The following LRRIQ1 variants were observed in gnomAD, a reference collection of about 807,000 sequenced individuals.
LRRIQ1 encodes leucine-rich repeat- and IQ domain-containing protein 1.
In LRRIQ1, 210 loss-of-function variants were observed where a neutral mutation model predicts 211.9. The observed-to-expected ratio is 0.99, with a 90% CI of 0.89 to 1.11. LRRIQ1 has a LOEUF of 1.11. LRRIQ1 is among the 50% of genes most tolerant of loss of function. LRRIQ1 has a pLI of 0.00. For missense variants in LRRIQ1, 2,136 were observed against 1,939.5 expected (o/e 1.10, Z -1.90); for synonymous variants, 699 against 650.1 (o/e 1.08, Z -1.14).
At chr12:85,134,879 C>T (rs1889014284) in intron 18 of LRRIQ1, among the ~76,000 whole-genome samples, 1 of 151,932 alleles carries the variant, frequency 6.6e-6, no homozygotes, top group Non-Finnish European at 1.5e-5. Flanking sequence ...CATCTACCTC[C>T]TCATCACTAG....
At chr12:85,254,414 A>G (rs887228565) in intron 1 of LRRIQ1, among the ~76,000 whole-genome samples, 1 of 152,134 alleles carries the variant, frequency 6.6e-6, no homozygotes, top group Non-Finnish European at 1.5e-5. Flanking sequence ...CTTAGATTTC[A>G]TAACTGAAAT....
chr12:85,041,090 A>T (rs962621207), intron 3 of LRRIQ1, among the ~76,000 whole-genome samples: 1 of 151,736 alleles, frequency 6.6e-6, no homozygotes, highest in African/African-American at 2.4e-5. Context: ...AGCATTCTAA[A>T]TGTTCAACAA....
chr12:85,058,689 C>G (rs560107274), intron 8 of LRRIQ1, among the ~76,000 whole-genome samples: 9 of 151,982 alleles, frequency 5.9e-5, no homozygotes, highest in Non-Finnish European at 1.3e-4. Flanking sequence ...ATAATTAACT[C>G]TTTCTTTTAC....
At chr12:85,242,936 G>A (rs1449886201) in intron 26 of LRRIQ1, among the ~76,000 whole-genome samples, 4 of 151,630 alleles carry the variant, frequency 2.6e-5, no homozygotes. Flanking sequence ...TTTTTGGAAG[G>A]TGTTTATTTA....
At position 85,196,542 on chromosome 12, in the gene LRRIQ1, T is replaced by C. The variant is rs1232785032; in HGVS notation, c.4823-32975T>C. Among the ~76,000 whole-genome samples the C allele has an allele frequency of 1.1e-4, 17 of 152,192 alleles. No individual in the cohort carries two copies. The South Asian group carries it at 3.5e-3, about 32-fold the overall frequency. ...ACACCACATATCTACAACTATCTGATCTTTGACAAACCTGAGAAAAACAAG... is the reference window on the plus strand; with the variant it reads ...ACACCACATATCTACAACTATCTGACCTTTGACAAACCTGAGAAAAACAAG... On this transcript the variant is annotated intron_variant, in intron 24 of 26. Transcript: ENST00000393217.
chr12:85,096,130 C>T (rs974816256), intron 11 of LRRIQ1, among the ~76,000 whole-genome samples: 2 of 151,860 alleles, frequency 1.3e-5, no homozygotes, highest in Non-Finnish European at 2.9e-5. Context: ...TTTGTTTATT[C>T]TTTGTGTGGA....
In LRRIQ1 at chr12:85,066,752, A is replaced by T; in HGVS notation, c.2549A>T (p.Asn850Ile). 1.3e-6 allele frequency: 2 copies of T among 1,581,452 alleles called. No homozygotes were observed. Among genetic ancestry groups the T allele is most frequent in the Non-Finnish European group, 1.7e-6 (2 of 1,167,852 alleles). ...KKLKYIDAQE[N>I]HIEAIECENL... The stretch of plus-strand genomic sequence containing the variant: ...TACATTTGTTCTTTGCTTCAGGAAA[A>T]CCATATTGAGGCTATTGAGTGTGAA... Residue 850 changes from asparagine (N) to isoleucine (I), a missense_variant, in exon 10 of 27, where the codon AAC (asparagine) becomes ATC (isoleucine). By Grantham distance (149) the Asn-to-Ile change is moderately radical. Coordinates refer to ENST00000393217, the MANE Select transcript of LRRIQ1 (RefSeq NM_001079910.2).
At chr12:85,094,868 G>A (rs948759007) in intron 11 of LRRIQ1, among the ~76,000 whole-genome samples, 1 of 151,930 alleles carries the variant, frequency 6.6e-6, no homozygotes, top group South Asian at 2.1e-4. Context: ...GTGTGTTTGT[G>A]TGTGTATGTC....
intron 24 of LRRIQ1, among the ~76,000 whole-genome samples, chr12:85,175,150 G>A (rs1019246900): frequency 6.6e-6 from 1 of 152,076 alleles, no homozygotes; most frequent in Non-Finnish European, 1.5e-5. Context: ...TATTTCCCTT[G>A]CAATCTTGCT....
chr12:85,174,683 C>G (rs1207527323), intron 24 of LRRIQ1, among the ~76,000 whole-genome samples: 1 of 53,360 alleles, frequency 1.9e-5, no homozygotes. Flanking sequence ...GCCTGGGTGA[C>G]AGAGCAAGAG....
chr12:85,062,018 A>G (rs1881867189), intron 8 of LRRIQ1, among the ~76,000 whole-genome samples: 1 of 151,852 alleles, frequency 6.6e-6, no homozygotes, highest in Admixed American at 6.6e-5. Flanking sequence ...ATAAATATGT[A>G]AATTTAAAAC....
intron 11 of LRRIQ1, among the ~76,000 whole-genome samples, chr12:85,084,858 A>G (rs1884650743): frequency 6.6e-6 from 1 of 151,890 alleles, no homozygotes; most frequent in African/African-American, 2.4e-5. Flanking sequence ...CCCAGAAGGC[A>G]GAGGTTGCAG....
At chr12:85,198,136 A>AT (rs1565898931) in intron 24 of LRRIQ1, among the ~76,000 whole-genome samples, 21 of 122,660 alleles carry the variant, frequency 1.7e-4, no homozygotes, top group African/African-American at 5.7e-4. Context: ...TATATTATAT[A>AT]TAATATATTA....
At chr12:85,263,004 G>A (rs2137344042) in exon 2 of LRRIQ1, 2 of 987,812 alleles carry the variant, frequency 2.0e-6, no homozygotes, top group Middle Eastern at 2.8e-4. Context: ...AGACAATCCT[G>A]TACAACTCAG....
chr12:85,058,618 A>G (rs920092945), intron 8 of LRRIQ1, among the ~76,000 whole-genome samples: 1 of 151,892 alleles, frequency 6.6e-6, no homozygotes, highest in African/African-American at 2.4e-5. Context: ...TCTCCTTGGC[A>G]TTTCTTCTCC....
chr12:85,126,863 T>C (rs1888404792), intron 17 of LRRIQ1, among the ~76,000 whole-genome samples: 1 of 152,076 alleles, frequency 6.6e-6, no homozygotes, highest in African/African-American at 2.4e-5. Context: ...TCTAGTAGAG[T>C]TTATCACTTC....
downstream of LRRIQ1, among the ~76,000 whole-genome samples, chr12:85,267,622 G>T (rs1896451348): frequency 6.6e-6 from 1 of 151,974 alleles, no homozygotes; most frequent in Admixed American, 6.6e-5. Flanking sequence ...CTTAGTAAGG[G>T]TGAATCTCCT....
chr12:85,132,159 A>C (rs1888809006), intron 18 of LRRIQ1, among the ~76,000 whole-genome samples: 1 of 152,118 alleles, frequency 6.6e-6, no homozygotes, highest in East Asian at 1.9e-4. Context: ...CATGTCACTT[A>C]GCGCTGGATG....
At chr12:85,180,714 T>C (rs913331145) in intron 24 of LRRIQ1, among the ~76,000 whole-genome samples, 1 of 151,946 alleles carries the variant, frequency 6.6e-6, no homozygotes, top group African/African-American at 2.4e-5. Context: ...ACCTAATGCA[T>C]ACAAGTTCAA....
Sources: gnomAD v4.1 joint callset for allele counts (sites outside exome capture counted in the v4.1 genomes callset) on GRCh38, gnomAD v4.1.1 for gene constraint, MANE v1.5 for transcripts, NCBI Gene and HGNC (gene_info 2026-07-23, HGNC 2026-07-21) for gene names.